RORA: variants seen among roughly 807,000 people sequenced by gnomAD.
RORA encodes the protein RAR related orphan receptor A.
RORA carries 7 observed loss-of-function variants against 69.5 expected under a neutral mutation model. The observed-to-expected ratio is 0.10, with a 90% CI of 0.06 to 0.19. The LOEUF (loss-of-function observed/expected upper bound fraction) is 0.19. Ranked by LOEUF, RORA falls within the 10% of genes least tolerant of loss-of-function variation. RORA has a pLI of 1.00. For missense variants in RORA, 457 were observed against 663.0 expected (o/e 0.69, Z 3.41); for synonymous variants, 261 against 240.8 (o/e 1.08, Z -0.78).
intron 1 of RORA, among the ~76,000 whole-genome samples, chr15:61,050,658 G>T (rs1372260605): frequency 6.6e-6 from 1 of 152,202 alleles, no homozygotes; most frequent in East Asian, 1.9e-4. Flanking sequence ...AACATACACA[G>T]GGCGCAGAGT....
rs572825976 is a variant in RORA, at chr15:60,912,428, A to AAAAC, written c.167-233743_167-233742insGTTT. On this transcript the variant is annotated intron_variant, in intron 1 of 10. Coordinates refer to ENST00000335670, the MANE Select transcript of RORA (RefSeq NM_134261.3). ...GCAATAGAGGGAGACCATGCCTCAA[A>AAAAC]AAAACAAAACAAAACAAAACAAAAA... 3.1e-3 allele frequency among the ~76,000 whole-genome samples: 462 copies of AAAAC among 151,444 alleles called. 1 individual carries two copies. Among genetic ancestry groups the AAAAC allele is most frequent in the African/African-American group, 0.011 (442 of 40,956 alleles).
At chr15:60,594,284 A>G (rs2068619388) in intron 2 of RORA, among the ~76,000 whole-genome samples, 1 of 152,218 alleles carries the variant, frequency 6.6e-6, no homozygotes, top group Non-Finnish European at 1.5e-5. Flanking sequence ...ATATCTCCCA[A>G]TGAGGCAACG....
intron 2 of RORA, among the ~76,000 whole-genome samples, chr15:60,540,888 G>C (rs2066851499): frequency 6.6e-6 from 1 of 152,174 alleles, no homozygotes; most frequent in Non-Finnish European, 1.5e-5. Flanking sequence ...CATATTTATA[G>C]TCACAGGAAC....
chr15:60,930,049 G>C (rs1245884886), intron 1 of RORA, among the ~76,000 whole-genome samples: 1 of 152,196 alleles, frequency 6.6e-6, no homozygotes, highest in African/African-American at 2.4e-5. Context: ...TCTTGTGGCT[G>C]TTGGGCCCTT....
chr15:60,595,032 GTT>G (rs34882972), intron 2 of RORA, among the ~76,000 whole-genome samples: 30 of 141,298 alleles, frequency 2.1e-4, no homozygotes, highest in Middle Eastern at 7.3e-3. Flanking sequence ...ACTATAGGCT[GTT>G]TTTTTTTTTT....
chr15:60,970,967 G>C (rs573228683), intron 1 of RORA, among the ~76,000 whole-genome samples: 2 of 152,280 alleles, frequency 1.3e-5, no homozygotes, highest in Non-Finnish European at 1.5e-5. Context: ...TATAGCAGGG[G>C]TTCAACTGAC....
At chr15:61,201,384 T>C (rs1454910320) in intron 1 of RORA, among the ~76,000 whole-genome samples, 3 of 152,150 alleles carry the variant, frequency 2.0e-5, no homozygotes, top group Admixed American at 2.0e-4. Context: ...CACTAAGACA[T>C]AAACCTGGAA....
intron 1 of RORA, among the ~76,000 whole-genome samples, chr15:61,112,573 C>G (rs1301692486): frequency 6.6e-6 from 1 of 152,148 alleles, no homozygotes; most frequent in East Asian, 1.9e-4. Context: ...TGCAGGGTGC[C>G]ACGCGTATTT....
At chr15:61,171,149 TAC>T (rs1346927270) in intron 1 of RORA, among the ~76,000 whole-genome samples, 3 of 152,144 alleles carry the variant, frequency 2.0e-5, no homozygotes, top group Non-Finnish European at 4.4e-5. Flanking sequence ...TCATCAAAAC[TAC>T]ACCAGACCTG....
At chr15:60,654,436 C>T (rs1244815564) in intron 2 of RORA, among the ~76,000 whole-genome samples, 2 of 152,174 alleles carry the variant, frequency 1.3e-5, no homozygotes, top group Admixed American at 6.5e-5. Flanking sequence ...AACAGAAACC[C>T]ATCCCACTTC....
At position 60,877,378 on chromosome 15, in the gene RORA, T is replaced by C. The variant is rs143299116; in HGVS notation, c.167-198692A>G. 5.5e-4 allele frequency among the ~76,000 whole-genome samples: 84 copies of C among 152,348 alleles called. No homozygotes were observed. In the East Asian group the frequency reaches 0.013, roughly 24 times the overall value. On this transcript the variant is annotated intron_variant, in intron 1 of 10. Coordinates refer to ENST00000335670, the MANE Select transcript of RORA (RefSeq NM_134261.3). ...GGACTTAGCATAGTGCCCGCTATTT[T>C]ATAAGAATACAGTAATAATGTCAAA...
intron 1 of RORA, among the ~76,000 whole-genome samples, chr15:60,698,006 C>T (rs966822477): frequency 6.6e-6 from 1 of 152,160 alleles, no homozygotes; most frequent in African/African-American, 2.4e-5. Context: ...GAAAATGATG[C>T]CATGCTACAC....
intron 1 of RORA, among the ~76,000 whole-genome samples, chr15:60,886,145 T>C (rs1361904053): frequency 1.3e-5 from 2 of 152,224 alleles, no homozygotes; most frequent in Admixed American, 6.5e-5. Flanking sequence ...GAAATTGTTA[T>C]ATGTGGAGAT....
chr15:60,801,546 G>GA (rs2072581267), intron 1 of RORA, among the ~76,000 whole-genome samples: 1 of 152,012 alleles, frequency 6.6e-6, no homozygotes, highest in Admixed American at 6.5e-5. Context: ...ATGCCAAGAT[G>GA]AAAAAATAAA....
chr15:60,792,253 T>C (rs952398574), intron 1 of RORA, among the ~76,000 whole-genome samples: 1 of 152,100 alleles, frequency 6.6e-6, no homozygotes, highest in Admixed American at 6.6e-5. Context: ...TATTCAATCT[T>C]AAGAACAAAG....
At chr15:60,938,538 C>T (rs753733204) in intron 1 of RORA, among the ~76,000 whole-genome samples, 1 of 152,128 alleles carries the variant, frequency 6.6e-6, no homozygotes, top group Non-Finnish European at 1.5e-5. Context: ...AAACTTCTGC[C>T]AATCAAAATT....
intron 1 of RORA, among the ~76,000 whole-genome samples, chr15:60,733,946 G>GAGAGAA (rs2140840553): frequency 6.6e-6 from 1 of 151,108 alleles, no homozygotes; most frequent in East Asian, 1.9e-4. Context: ...GAGAGAGAGA[G>GAGAGAA]AGAGAGAGAA....
At chr15:61,075,315 A>G (rs2078433347) in intron 1 of RORA, among the ~76,000 whole-genome samples, 1 of 152,124 alleles carries the variant, frequency 6.6e-6, no homozygotes, top group Non-Finnish European at 1.5e-5. Flanking sequence ...AATGTCCTCA[A>G]GCAACAGGCA....
At chr15:60,641,193 TC>T (rs1298468187) in intron 2 of RORA, among the ~76,000 whole-genome samples, 1 of 151,954 alleles carries the variant, frequency 6.6e-6, no homozygotes, top group Non-Finnish European at 1.5e-5. Context: ...CTCAAGTGAC[TC>T]GTCTGCCTCA....
Sources: allele counts gnomAD v4.1 joint callset (sites outside exome capture counted in the v4.1 genomes callset), GRCh38; gene constraint gnomAD v4.1.1; transcripts MANE v1.5; gene names NCBI Gene and HGNC (gene_info 2026-07-23, HGNC 2026-07-21).